Variants in XIRP2 observed in about 807,000 individuals in gnomAD.
XIRP2 encodes the protein xin actin binding repeat containing 2.
Under a neutral mutation model 277.0 loss-of-function variants are expected in XIRP2, and 236 were observed. That is an observed-to-expected ratio of 0.85 (90% CI 0.77 to 0.95). The LOEUF is 0.95. Among genes scored for constraint, XIRP2 ranks in the 40% least tolerant of loss-of-function variants. The pLI, the probability that XIRP2 is intolerant of heterozygous loss-of-function variation, is 0.00. For synonymous variants in XIRP2, 1,490 were observed against 1,416.5 expected (o/e 1.05, Z -1.17); for missense variants, 4,640 against 4,157.5 (o/e 1.12, Z -3.19).
chr2:166,899,884 C>A (rs746565222), intron 1 of XIRP2, among the ~76,000 whole-genome samples: 16 of 152,044 alleles, frequency 1.1e-4, no homozygotes, highest in Non-Finnish European at 2.4e-4. Context: ...TCCTATGCCA[C>A]CGCGCAACGT....
chr2:166,995,306 G>A (rs1003728060), intron 2 of XIRP2, among the ~76,000 whole-genome samples: 1 of 152,190 alleles, frequency 6.6e-6, no homozygotes, highest in African/African-American at 2.4e-5. Context: ...GAGCCCTACT[G>A]AATTTCATCT....
chr2:167,101,744 TAGAA>T (rs1366261185), intron 2 of XIRP2, among the ~76,000 whole-genome samples: 1 of 152,226 alleles, frequency 6.6e-6, no homozygotes, highest in Non-Finnish European at 1.5e-5. Flanking sequence ...TGAGTTGTCT[TAGAA>T]GGAAGACTTA....
At chr2:167,099,679 C>T (rs1366215332) in intron 2 of XIRP2, among the ~76,000 whole-genome samples, 5 of 152,084 alleles carry the variant, frequency 3.3e-5, no homozygotes, top group Non-Finnish European at 5.9e-5. Flanking sequence ...TTGCACAGAC[C>T]GTGGGAAAAG....
intron 2 of XIRP2, among the ~76,000 whole-genome samples, chr2:166,980,434 G>A (rs1462404450): frequency 6.6e-6 from 1 of 151,196 alleles, no homozygotes; most frequent in Admixed American, 6.6e-5. Flanking sequence ...TTTTGTTTTG[G>A]AGATGGAGTT....
At chr2:167,096,540 C>G (rs927990913) in intron 2 of XIRP2, among the ~76,000 whole-genome samples, 1 of 151,838 alleles carries the variant, frequency 6.6e-6, no homozygotes, top group Non-Finnish European at 1.5e-5. Flanking sequence ...TTTCATGTCT[C>G]TATCTCCTTC....
intron 2 of XIRP2, among the ~76,000 whole-genome samples, chr2:166,941,558 G>C (rs1457281137): frequency 6.6e-6 from 1 of 152,140 alleles, no homozygotes; most frequent in Non-Finnish European, 1.5e-5. Context: ...CTGTAGACTG[G>C]AGCTGTTCCT....
At chr2:167,157,953 G>A (rs934041285) in intron 3 of XIRP2, among the ~76,000 whole-genome samples, 2 of 152,090 alleles carry the variant, frequency 1.3e-5, no homozygotes, top group Non-Finnish European at 2.9e-5. Context: ...TATGACAGCT[G>A]TTCCTCTTCT....
At chr2:167,177,785 C>T (rs1692890822) in intron 3 of XIRP2, among the ~76,000 whole-genome samples, 1 of 151,958 alleles carries the variant, frequency 6.6e-6, no homozygotes, top group Non-Finnish European at 1.5e-5. Context: ...GTAATTTAGC[C>T]CTTTAGAGGG....
intron 5 of XIRP2, among the ~76,000 whole-genome samples, chr2:167,230,976 A>G (rs1000448304): frequency 6.6e-6 from 1 of 151,640 alleles, no homozygotes; most frequent in East Asian, 1.9e-4. Context: ...CTTACAACCA[A>G]CTCCCCTAGT....
Position 167,259,097 on chromosome 2 carries a change from G to T in XIRP2, c.*1280G>T, listed in dbSNP as rs756637989. 26 of 1,611,376 alleles carry T rather than the reference G, an allele frequency of 1.6e-5. No individual in the cohort carries two copies. Among genetic ancestry groups the T allele is most frequent in the South Asian group, 8.8e-5 (8 of 90,982 alleles). ...AATCACTGCATTTTCCAAGAAAAAT[G>T]AGAACATTTTCAATTGTGATTTAAT... is the stretch of plus-strand genomic sequence containing the variant. On this transcript the variant is annotated 3_prime_UTR_variant, in exon 11 of 11. Transcript: ENST00000409195.
Position 167,248,994 on chromosome 2 carries a change from A to C in XIRP2, c.7602A>C (p.Lys2534Asn), listed in dbSNP as rs770421159. Residue 2534 changes from lysine (K) to asparagine (N), a missense_variant, in exon 9 of 11, where the codon AAA becomes AAC. By Grantham distance (94) the Lys-to-Asn change is moderately conservative. Transcript: ENST00000409195. ...AGAGTTCAGGACAACAAAATCCAAAACCTTATATGAGAAAATTTAAGACAC... is the reference window on the plus strand; with the variant it reads ...AGAGTTCAGGACAACAAAATCCAAACCCTTATATGAGAAAATTTAAGACAC... ...FPESSGQQNP[K>N]PYMRKFKTPL... is the part of the protein sequence containing the mutation. The C allele has an allele frequency of 1.2e-6, 2 of 1,611,538 alleles. No homozygotes were observed. Among genetic ancestry groups the C allele is most frequent in the Non-Finnish European group, 1.7e-6 (2 of 1,179,312 alleles).
rs773187641 is a variant in XIRP2 at position 167,170,894 on chromosome 2, CTT to C, written c.562+34854_562+34855del. Among the ~76,000 whole-genome samples, 500 of 92,692 alleles carry C rather than the reference CTT, an allele frequency of 5.4e-3. 2 individuals carry two copies. The highest frequency in any genetic ancestry group is 0.019 in the African/African-American group (409 of 21,984). The allele number at this position is 92,692 out of a possible 152,430, so 60.8% of individuals were successfully genotyped here. A position where few individuals can be genotyped will look rare whatever the true frequency, so the allele number is the denominator to read the frequency against. ...TAAAACTTCTCTTTTTGCCTTTCTT[CTT>C]TTTTTTTTTTTTTTTTTTTTTGAGA... is the stretch of plus-strand genomic sequence containing the variant. On this transcript the variant is annotated intron_variant, in intron 3 of 10. Coordinates refer to ENST00000409195, the MANE Select transcript of XIRP2 (RefSeq NM_152381.6).
At chr2:166,964,858 A>G (rs1686388824) in intron 2 of XIRP2, among the ~76,000 whole-genome samples, 1 of 151,714 alleles carries the variant, frequency 6.6e-6, no homozygotes, top group South Asian at 2.1e-4. Context: ...CAGCTTGCCT[A>G]CCTAAATCAT....
intron 2 of XIRP2, among the ~76,000 whole-genome samples, chr2:167,006,256 G>T (rs2105462233): frequency 6.6e-6 from 1 of 151,746 alleles, no homozygotes; most frequent in African/African-American, 2.4e-5. Context: ...AAGCTACCAA[G>T]GATTTTTTAT....
intron 2 of XIRP2, among the ~76,000 whole-genome samples, chr2:166,962,150 C>A (rs1175969989): frequency 6.6e-6 from 1 of 151,584 alleles, no homozygotes; most frequent in African/African-American, 2.4e-5. Flanking sequence ...ACCTGGCCAC[C>A]CACAATCTTG....
chr2:167,250,254 G>A lies in XIRP2; in HGVS notation c.8862G>A (p.Leu2954=), dbSNP rs1251959783. 2.5e-6 allele frequency: 4 copies of A among 1,613,254 alleles called. No individual in the cohort carries two copies. The highest frequency in any genetic ancestry group is 2.7e-5 in the African/African-American group (2 of 74,960). ...IVEFLRKREE[L]QQILSRVKQF... The stretch of plus-strand genomic sequence containing the variant: ...AATTCTTGAGAAAACGTGAAGAACT[G>A]CAACAGATTTTGTCGAGAGTGAAAC... Residue 2954 remains leucine (L), a synonymous_variant, in exon 9 of 11, where the codon CTG becomes CTA. Coordinates refer to ENST00000409195, the MANE Select transcript of XIRP2 (RefSeq NM_152381.6).
chr2:167,081,933 A>G (rs1169252677), intron 2 of XIRP2, among the ~76,000 whole-genome samples: 11 of 127,638 alleles, frequency 8.6e-5, no homozygotes, highest in African/African-American at 3.3e-4. Context: ...ATATCCACTT[A>G]ACCATGTATT....
intron 2 of XIRP2, among the ~76,000 whole-genome samples, chr2:167,048,784 C>T (rs73012286): frequency 0.081 from 12,286 of 151,818 alleles, 624 homozygotes; most frequent in East Asian, 0.15. Flanking sequence ...TTTCTAAGTA[C>T]CTTCTTAGAC....
intron 2 of XIRP2, among the ~76,000 whole-genome samples, chr2:167,122,384 A>G (rs939571465): frequency 2.0e-5 from 3 of 152,192 alleles, no homozygotes; most frequent in Admixed American, 1.3e-4. Flanking sequence ...ATATATGCCA[A>G]ATTGTTTTCT....
Sources: gnomAD v4.1 joint callset for allele counts (sites outside exome capture counted in the v4.1 genomes callset) on GRCh38, gnomAD v4.1.1 for gene constraint, MANE v1.5 for transcripts, NCBI Gene and HGNC (gene_info 2026-07-23, HGNC 2026-07-21) for gene names.